DCLRE1A: variants seen among roughly 807,000 people sequenced by gnomAD.
DCLRE1A encodes DNA cross-link repair 1A protein.
Under a neutral mutation model 91.9 loss-of-function variants are expected in DCLRE1A, and 64 were observed. The observed-to-expected ratio is 0.70, with a 90% CI of 0.57 to 0.86. DCLRE1A has a LOEUF of 0.86. Among genes scored for constraint, DCLRE1A ranks in the 40% least tolerant of loss-of-function variants. The pLI, the probability that DCLRE1A is intolerant of heterozygous loss-of-function variation, is 0.00. For synonymous variants in DCLRE1A, 416 were observed against 431.1 expected (o/e 0.96, Z 0.43); for missense variants, 1,145 against 1,213.3 (o/e 0.94, Z 0.84).
Position 113,849,507 on chromosome 10 carries a change from T to A in DCLRE1A, c.1598A>T (p.Lys533Met), listed in dbSNP as rs765600708. The stretch of plus-strand genomic sequence containing the variant: ...ACCAGAAGGCAATATTTTCAAATAC[T>A]TCGGAGCAGGTGTACTAGACAAGTT... Reference protein sequence around the residue: ...TENLSSTPAPKYLKILPSGLK... With the variant: ...TENLSSTPAPMYLKILPSGLK... Residue 533 changes from lysine (K) to methionine (M), a missense_variant, in exon 2 of 9, where the codon AAG (lysine) becomes ATG (methionine). Coordinates refer to ENST00000361384, the MANE Select transcript of DCLRE1A (RefSeq NM_014881.5). 2.2e-5 allele frequency: 36 copies of A among 1,614,012 alleles called. No homozygotes were observed. The highest frequency in any genetic ancestry group is 2.8e-5 in the Non-Finnish European group (33 of 1,180,030).
chr10:113,840,051 G>A (rs968638238), intron 7 of DCLRE1A, among the ~76,000 whole-genome samples: 14 of 152,170 alleles, frequency 9.2e-5, no homozygotes, highest in African/African-American at 3.4e-4. Flanking sequence ...ATCAGCACTT[G>A]GGGAGGCTGA....
chr10:113,836,331 C>A (rs891035369), intron 8 of DCLRE1A, among the ~76,000 whole-genome samples: 10 of 152,138 alleles, frequency 6.6e-5, no homozygotes, highest in Middle Eastern at 3.4e-3. Context: ...TTAAACAATT[C>A]TTCCTTTAGA....
rs1360691521 is a variant in DCLRE1A at position 113,853,100 on chromosome 10, G to T, written c.83C>A (p.Ser28Tyr). The T allele has an allele frequency of 6.2e-7, 1 of 1,609,290 alleles. No individual in the cohort carries two copies. The highest frequency in any genetic ancestry group is 1.3e-5 in the African/African-American group (1 of 74,526). ...KPKRVDPNNG[S>Y]KNILKSVEKA... ...TTCAACAGATTTTAGAATATTTTTAGAGCCATTATTTGGATCAACTCGTTT... is the reference window on the plus strand; with the variant it reads ...TTCAACAGATTTTAGAATATTTTTATAGCCATTATTTGGATCAACTCGTTT... Residue 28 changes from serine (S) to tyrosine (Y), a missense_variant, in exon 1 of 9, where the codon TCT becomes TAT. Physicochemically the swap from Ser to Tyr is moderately radical, Grantham distance 144 (BLOSUM62 -2). Coordinates refer to ENST00000361384, the MANE Select transcript of DCLRE1A (RefSeq NM_014881.5).
Position 113,853,022 on chromosome 10 carries a change from G to A in DCLRE1A, c.161C>T (p.Ala54Val). Residue 54 changes from alanine (A) to valine (V), a missense_variant, in exon 1 of 9, where the codon GCC becomes GTC. Transcript: ENST00000361384. ...GTCCTTCACCTCTTTAGCTTCTGCG[G>A]CTCTTTTTCTGTTTCTACTCCGTTT... ...QSKRSRNRKR[A>V]AEAKEVKDHE... 1 of 1,613,866 alleles carries A rather than the reference G, an allele frequency of 6.2e-7. No homozygotes were observed. Among genetic ancestry groups the A allele is most frequent in the Non-Finnish European group, 8.5e-7 (1 of 1,179,974 alleles).
In DCLRE1A at chr10:113,850,102, C is replaced by G; in HGVS notation, c.1003G>C (p.Glu335Gln). The G allele has an allele frequency of 6.2e-7, 1 of 1,613,920 alleles. No homozygotes were observed. Among genetic ancestry groups the G allele is most frequent in the African/African-American group, 1.3e-5 (1 of 75,024 alleles). Residue 335 changes from glutamate (E) to glutamine (Q), a missense_variant, in exon 2 of 9, where the codon GAA becomes CAA. Transcript: ENST00000361384. ...AAACCACAGCTGTCATCATCTTCTTCGAGGCTGCCATCTTTTGAGCTTTCG... is the reference window on the plus strand; with the variant it reads ...AAACCACAGCTGTCATCATCTTCTTGGAGGCTGCCATCTTTTGAGCTTTCG... ...FTESSKDGSL[E>Q]EDDDSCGFFK...
chr10:113,845,904 T>C lies in DCLRE1A; in HGVS notation c.2260-101A>G, dbSNP rs1845530699. On this transcript the variant is annotated intron_variant, in intron 3 of 8. Coordinates refer to ENST00000361384, the MANE Select transcript of DCLRE1A (RefSeq NM_014881.5). ...AGCATCTTAATAACATCCATTTTCC[T>C]ACTTATATTTAAGTAAACACTCCAC... 6 of 983,236 alleles carry C rather than the reference T, an allele frequency of 6.1e-6. No individual in the cohort carries two copies. The East Asian group carries it at 1.4e-4, about 24-fold the overall frequency. The allele number at this position is 983,236 out of a possible 1,614,324, so 60.9% of individuals were successfully genotyped here. A position where few individuals can be genotyped will look rare whatever the true frequency, so the allele number is the denominator to read the frequency against.
At position 113,850,151 on chromosome 10, in the gene DCLRE1A, A is replaced by C; in HGVS notation, c.954T>G (p.Asp318Glu). Residue 318 changes from aspartate to glutamate, a missense_variant, in exon 2 of 9, where the codon GAT (aspartate) becomes GAG (glutamate). Coordinates refer to ENST00000361384, the MANE Select transcript of DCLRE1A (RefSeq NM_014881.5). The part of the protein sequence containing the change: ...DTHDIDEKPD[D>E]SQEQLFFTES... Reference sequence around the variant, plus strand: ...CGGTAAAAAACAGTTGTTCTTGTGAATCATCCGGTTTTTCATCGATATCAT... The same window carrying C: ...CGGTAAAAAACAGTTGTTCTTGTGACTCATCCGGTTTTTCATCGATATCAT... The C allele has an allele frequency of 6.2e-7, 1 of 1,614,142 alleles. No individual in the cohort carries two copies. Among genetic ancestry groups the C allele is most frequent in the Non-Finnish European group, 8.5e-7 (1 of 1,180,034 alleles).
Position 113,847,218 on chromosome 10 carries a change from G to A in DCLRE1A, c.2243C>T (p.Pro748Leu), listed in dbSNP as rs2134662808. ...YAGLSKHFTF[P>L]VYCSEITGNL... Reference sequence around the variant, plus strand: ...AAAACTTACCTCACTACAATAAACTGGAAATGTGAAGTGTTTAGACAATCC... The same window carrying A: ...AAAACTTACCTCACTACAATAAACTAGAAATGTGAAGTGTTTAGACAATCC... Residue 748 changes from proline (P) to leucine (L), a missense_variant, in exon 3 of 9, where the codon CCA (proline) becomes CTA (leucine). Pro to Leu is a moderately conservative substitution (Grantham distance 98). Coordinates refer to ENST00000361384, the MANE Select transcript of DCLRE1A (RefSeq NM_014881.5). 1 of 1,607,412 alleles carries A rather than the reference G, an allele frequency of 6.2e-7. No homozygotes were observed. Among genetic ancestry groups the A allele is most frequent in the East Asian group, 2.2e-5 (1 of 44,810 alleles).
chr10:113,844,260 A>T lies in DCLRE1A; in HGVS notation c.2379-16T>A, dbSNP rs375976564. The T allele has an allele frequency of 9.9e-6, 16 of 1,613,422 alleles. No homozygotes were observed. The highest frequency in any genetic ancestry group is 1.4e-5 in the Non-Finnish European group (16 of 1,179,808). ...ACCTGGACAGCTGAACACAAATGTC[A>T]AAGGAATGTTCATAACACAGGCAAG... On this transcript the variant is annotated splice_polypyrimidine_tract_variant and intron_variant, in intron 4 of 8. Transcript: ENST00000361384.
chr10:113,849,340 G>T lies in DCLRE1A; in HGVS notation c.1765C>A (p.Pro589Thr), dbSNP rs779894331. Residue 589 changes from proline (P) to threonine (T), a missense_variant, in exon 2 of 9, where the codon CCA becomes ACA. Coordinates refer to ENST00000361384, the MANE Select transcript of DCLRE1A (RefSeq NM_014881.5). ...ALEGINLNPV[P>T]SPNQKRSSQC... ...GAGGACCTCTTTTGATTAGGACTTG[G>T]AACTGGATTTAAGTTTATCCCTTCT... The T allele has an allele frequency of 1.9e-6, 3 of 1,614,080 alleles. No homozygotes were observed. The highest frequency in any genetic ancestry group is 1.7e-5 in the Admixed American group (1 of 60,020).
chr10:113,835,649 T>A (rs1845349601), intron 8 of DCLRE1A, among the ~76,000 whole-genome samples: 2 of 152,076 alleles, frequency 1.3e-5, no homozygotes, highest in African/African-American at 4.8e-5. Context: ...GATAGTGAGT[T>A]CTTGGTCAGG....
chr10:113,836,383 T>A lies in DCLRE1A; in HGVS notation c.2962+679A>T, dbSNP rs1161238423. 2.0e-5 allele frequency among the ~76,000 whole-genome samples: 3 copies of A among 151,906 alleles called. No individual in the cohort carries two copies. The East Asian group carries it at 5.8e-4, about 29-fold the overall frequency. ...AGGTTTCAGGAAAATATGGAAGAAATATGAGTCAAATGTGAAGAATAACAA... is the reference window on the plus strand; with the variant it reads ...AGGTTTCAGGAAAATATGGAAGAAAAATGAGTCAAATGTGAAGAATAACAA... On this transcript the variant is annotated intron_variant, in intron 8 of 8. Coordinates refer to ENST00000361384, the MANE Select transcript of DCLRE1A (RefSeq NM_014881.5).
At chr10:113,844,355 T>C (rs1199275843) in intron 4 of DCLRE1A, 111 bp from the exon 5 acceptor site, 12 of 1,380,416 alleles carry the variant, frequency 8.7e-6, no homozygotes, top group South Asian at 8.6e-5. Context: ...CACAATGACA[T>C]AGCATTGCAC....
chr10:113,851,722 CTT>C lies in DCLRE1A; in HGVS notation c.460+999_460+1000del, dbSNP rs368490659. 3.0e-3 allele frequency among the ~76,000 whole-genome samples: 422 copies of C among 141,106 alleles called. 2 individuals carry two copies. The highest frequency in any genetic ancestry group is 5.2e-3 in the Non-Finnish European group (333 of 64,642). The allele number at this position is 141,106 out of a possible 152,430, so 92.6% of individuals were successfully genotyped here. A position where few individuals can be genotyped will look rare whatever the true frequency, so the allele number is the denominator to read the frequency against. On this transcript the variant is annotated intron_variant, in intron 1 of 8. Coordinates refer to ENST00000361384, the MANE Select transcript of DCLRE1A (RefSeq NM_014881.5). Reference sequence around the variant, plus strand: ...ATTTAGAAACCACATTATATCTATACTTTTTTTTTTTTTTTTCAGACAAGGTC... The same window carrying C: ...ATTTAGAAACCACATTATATCTATACTTTTTTTTTTTTTTCAGACAAGGTC...
intron 1 of DCLRE1A, among the ~76,000 whole-genome samples, chr10:113,852,102 C>T (rs1211034774): frequency 6.6e-6 from 1 of 152,114 alleles, no homozygotes; most frequent in African/African-American, 2.4e-5. Context: ...TTTGGGAGGC[C>T]GAGGCGGGCA....
chr10:113,836,919 A>G (rs144596384), intron 8 of DCLRE1A, 143 bp downstream of exon 8: 3 of 698,738 alleles, frequency 4.3e-6, no homozygotes, highest in African/African-American at 3.6e-5. Flanking sequence ...TAGATACAGG[A>G]TTAGAGTTGT....
chr10:113,851,880 G>C (rs1316206058), intron 1 of DCLRE1A, among the ~76,000 whole-genome samples: 1 of 151,816 alleles, frequency 6.6e-6, no homozygotes, highest in Non-Finnish European at 1.5e-5. Context: ...GCTAATTTTT[G>C]GTAATTTTTT....
rs1845598408 is a variant in DCLRE1A at position 113,849,334 on chromosome 10, G to A, written c.1771C>T (p.Pro591Ser). The change falls in exon 2 of 9, where the codon CCT becomes TCT. Residue 591 changes from proline to serine, a missense_variant. Physicochemically the swap from Pro to Ser is moderately conservative, Grantham distance 74 (BLOSUM62 -1). Coordinates refer to ENST00000361384, the MANE Select transcript of DCLRE1A (RefSeq NM_014881.5). ...EGINLNPVPSPNQKRSSQCKR... is the reference protein window; with the variant it reads ...EGINLNPVPSSNQKRSSQCKR... ...CACTGCGAGGACCTCTTTTGATTAG[G>A]ACTTGGAACTGGATTTAAGTTTATC... 1.2e-6 allele frequency: 2 copies of A among 1,613,958 alleles called. No homozygotes were observed. Among genetic ancestry groups the A allele is most frequent in the Admixed American group, 1.7e-5 (1 of 60,002 alleles).
In DCLRE1A at chr10:113,835,293, G is replaced by T; in HGVS notation, c.2982C>A (p.His994Gln). ...ISIYGIPYSE[H>Q]SSYLEMKRFV... Reference sequence around the variant, plus strand: ...AGCGCTTCATTTCTAGGTAGCTGCTGTGTTCACTGTAAGGAATTCCTGTAA... The same window carrying T: ...AGCGCTTCATTTCTAGGTAGCTGCTTTGTTCACTGTAAGGAATTCCTGTAA... The change falls in exon 9 of 9, where the codon CAC becomes CAA. Residue 994 changes from histidine (H) to glutamine (Q), a missense_variant. Transcript: ENST00000361384. 1 of 1,605,450 alleles carries T rather than the reference G, an allele frequency of 6.2e-7. No homozygotes were observed. Among genetic ancestry groups the T allele is most frequent in the Non-Finnish European group, 8.5e-7 (1 of 1,177,446 alleles).
Sources: allele counts gnomAD v4.1 joint callset (sites outside exome capture counted in the v4.1 genomes callset), GRCh38; gene constraint gnomAD v4.1.1; transcripts MANE v1.5; gene names NCBI Gene and HGNC (gene_info 2026-07-23, HGNC 2026-07-21).